SYNE3: variants seen among roughly 807,000 people sequenced by gnomAD.
SYNE3 encodes spectrin repeat containing nuclear envelope family member 3.
A neutral mutation model predicts 111.2 loss-of-function variants in SYNE3; 100 were observed. The ratio of observed to expected loss-of-function variants is 0.90; its 90% CI spans 0.77 to 1.06. SYNE3 has a LOEUF of 1.06. SYNE3 is among the 50% of genes least tolerant of loss of function. The pLI, the probability that SYNE3 is intolerant of heterozygous loss-of-function variation, is 0.00. For missense variants in SYNE3, 1,160 were observed against 1,240.3 expected, an observed-to-expected ratio of 0.94 and a Z score of 0.97; for synonymous variants, 547 against 533.9, an observed-to-expected ratio of 1.02 and a Z score of -0.34.
In SYNE3 at chr14:95,470,455, G is replaced by A. The variant is rs1888456205; in HGVS notation, c.145-2488C>T. 6.6e-6 allele frequency among the ~76,000 whole-genome samples: 1 copy of A among 151,254 alleles called. No homozygotes were observed. Among genetic ancestry groups the A allele is most frequent in the Non-Finnish European group, 1.5e-5 (1 of 67,904 alleles). On this transcript the variant is annotated intron_variant, in intron 2 of 17. Coordinates refer to ENST00000682763, the MANE Select transcript of SYNE3 (RefSeq NM_152592.6). This position sits in a 1 kb window ranked among gnomAD's most constrained non-coding sequence, Gnocchi z 4.2. The stretch of plus-strand genomic sequence containing the variant: ...CAACCACTCTGGGCAAGACAGTGAG[G>A]CCCCATCTCTCCAAAAGCATTTTTT...
chr14:95,501,301 T>C (rs1296464004), intron 1 of SYNE3, among the ~76,000 whole-genome samples: 2 of 152,188 alleles, frequency 1.3e-5, no homozygotes, highest in African/African-American at 4.8e-5. Context: ...GAATGTGAGT[T>C]CCAACAGCAC....
Position 95,471,669 on chromosome 14 carries a change from T to C in SYNE3, c.145-3702A>G, listed in dbSNP as rs551103920. On this transcript the variant is annotated intron_variant, in intron 2 of 17. Transcript: ENST00000682763. ...CCACTCTTTTTCACTGCGCTGATGATTACACTCTTTGGCTGGTGTGAGATT... is the reference window on the plus strand; with the variant it reads ...CCACTCTTTTTCACTGCGCTGATGACTACACTCTTTGGCTGGTGTGAGATT... Among the ~76,000 whole-genome samples, 16 of 152,348 alleles carry C rather than the reference T, an allele frequency of 1.1e-4. No individual in the cohort carries two copies. The South Asian group carries it at 3.3e-3, about 32-fold the overall frequency.
rs1402455039 is a variant in SYNE3, at chr14:95,407,420, TA to T, written c.*10405del. 1 of 152,146 alleles carries T rather than the reference TA, an allele frequency of 6.6e-6. No homozygotes were observed. The highest frequency in any genetic ancestry group is 1.5e-5 in the Non-Finnish European group (1 of 68,024). The allele number at this position is 152,146 out of a possible 1,614,324, so 9.4% of individuals were successfully genotyped here. Reference sequence around the variant, plus strand: ...GGGGAGGAAAACGTCAATGCAACTTTAAAATATAGCACTAAGAAGAAACTCC... The same window carrying T: ...GGGGAGGAAAACGTCAATGCAACTTTAAATATAGCACTAAGAAGAAACTCC... On this transcript the variant is annotated 3_prime_UTR_variant, in exon 18 of 18. Transcript: ENST00000682763.
At chr14:95,464,824 T>G (rs1888066133) in intron 4 of SYNE3, among the ~76,000 whole-genome samples, 2 of 152,210 alleles carry the variant, frequency 1.3e-5, no homozygotes, top group Admixed American at 6.5e-5. Context: ...AGGGGACACA[T>G]AGGTGCCTGA....
At chr14:95,502,885 T>C (rs1370059718) in intron 1 of SYNE3, among the ~76,000 whole-genome samples, 1 of 152,154 alleles carries the variant, frequency 6.6e-6, no homozygotes, top group African/African-American at 2.4e-5. Flanking sequence ...AAAGTAGAGC[T>C]CCATGTCGAG....
intron 17 of SYNE3, among the ~76,000 whole-genome samples, chr14:95,423,096 G>C (rs921174100): frequency 6.6e-6 from 1 of 152,230 alleles, no homozygotes. Context: ...CAGGGGGCTG[G>C]GTTCGTCTTG....
Position 95,413,267 on chromosome 14 carries a change from T to C in SYNE3, c.*4559A>G, listed in dbSNP as rs796342359. 16 of 147,176 alleles carry C rather than the reference T, an allele frequency of 1.1e-4. No individual in the cohort carries two copies. Among genetic ancestry groups the C allele is most frequent in the African/African-American group, 4.0e-4 (16 of 40,104 alleles). 9.1% of individuals were successfully genotyped at this position (147,176 alleles called of 1,614,324 possible). A position where few individuals can be genotyped will look rare whatever the true frequency, so the allele number is the denominator to read the frequency against. The stretch of plus-strand genomic sequence containing the variant: ...GTGGTAAAATAAACATAACATAAAA[T>C]TTAGCATCTTAACCACTTTTAAGCA... On this transcript the variant is annotated 3_prime_UTR_variant, in exon 18 of 18. Coordinates refer to ENST00000682763, the MANE Select transcript of SYNE3 (RefSeq NM_152592.6).
At chr14:95,434,805 G>GCAC (rs975453782) in intron 15 of SYNE3, among the ~76,000 whole-genome samples, 1 of 152,176 alleles carries the variant, frequency 6.6e-6, no homozygotes, top group African/African-American at 2.4e-5. Context: ...TTACAGGCAT[G>GCAC]CACCACCATG....
chr14:95,501,734 C>A (rs928075811), intron 1 of SYNE3, among the ~76,000 whole-genome samples: 1 of 152,114 alleles, frequency 6.6e-6, no homozygotes, highest in Non-Finnish European at 1.5e-5. Flanking sequence ...TGGGGGGAAG[C>A]AACAAGATGT....
intron 1 of SYNE3, among the ~76,000 whole-genome samples, chr14:95,481,812 G>A (rs1365459176): frequency 6.6e-6 from 1 of 152,244 alleles, no homozygotes; most frequent in Non-Finnish European, 1.5e-5. Context: ...AGGCCTGAAA[G>A]CAATTGGCCG....
At chr14:95,515,990 C>A (rs1208669874) in intron 1 of SYNE3, 1 of 152,338 alleles carries the variant, frequency 6.6e-6, no homozygotes, top group Non-Finnish European at 1.5e-5. Flanking sequence ...TCAGGCCCTG[C>A]AAGCCATCTC....
Position 95,457,195 on chromosome 14 carries a change from C to T in SYNE3, c.771G>A (p.Gln257=). The T allele has an allele frequency of 1.2e-6, 2 of 1,613,932 alleles. No homozygotes were observed. Among genetic ancestry groups the T allele is most frequent in the Non-Finnish European group, 1.7e-6 (2 of 1,179,924 alleles). Residue 257 remains glutamine (Q), a synonymous_variant, in exon 5 of 18, where the codon CAG becomes CAA. Coordinates refer to ENST00000682763, the MANE Select transcript of SYNE3 (RefSeq NM_152592.6). ...GGATTACCTGCAGTGTGGAGAGGCGCTGCGTGATGGGCAGCTTGCAGTTCC... is the reference window on the plus strand; with the variant it reads ...GGATTACCTGCAGTGTGGAGAGGCGTTGCGTGATGGGCAGCTTGCAGTTCC... ...LGRNCKLPIT[Q]RLSTLQDIAK...
chr14:95,417,946 C>T lies in SYNE3; in HGVS notation c.2808G>A (p.Leu936=). ...GGAGCAGGAACAGCAGGAGGAGGAA[C>T]AGCAGCAGAAGCAGCTGCAGTGGGA... ...VALPLQLLLL[L]FLLLLFLLPI... Residue 936 remains leucine (L), a synonymous_variant, in exon 18 of 18, where the codon CTG becomes CTA. Transcript: ENST00000682763. 6.2e-7 allele frequency: 1 copy of T among 1,613,930 alleles called. No homozygotes were observed. Among genetic ancestry groups the T allele is most frequent in the Non-Finnish European group, 8.5e-7 (1 of 1,180,024 alleles).
intron 1 of SYNE3, among the ~76,000 whole-genome samples, chr14:95,483,944 C>A (rs1206990397): frequency 6.6e-6 from 1 of 152,204 alleles, no homozygotes. Flanking sequence ...GCAAGCGGTC[C>A]CGAAGCCATT....
At chr14:95,491,449 C>G (rs1889845157) in intron 1 of SYNE3, among the ~76,000 whole-genome samples, 1 of 152,042 alleles carries the variant, frequency 6.6e-6, no homozygotes, top group African/African-American at 2.4e-5. Context: ...TAATTTTCAA[C>G]AAGGGTGCCA....
rs1260020654 is a variant in SYNE3 at position 95,443,280 on chromosome 14, C to T, written c.1786G>A (p.Glu596Lys). The T allele has an allele frequency of 1.9e-6, 3 of 1,614,216 alleles. No individual in the cohort carries two copies. Among genetic ancestry groups the T allele is most frequent in the Non-Finnish European group, 2.5e-6 (3 of 1,180,014 alleles). ...TGTGCCCCCAAGTCCAGCCCCTCTTCCTGCAGCCCCTGCAGTAGAGAAGGG... is the reference window on the plus strand; with the variant it reads ...TGTGCCCCCAAGTCCAGCCCCTCTTTCTGCAGCCCCTGCAGTAGAGAAGGG... ...AQLSRLQGLQ[E>K]EGLDLGAQME... The change falls in exon 11 of 18, where the codon GAA (glutamate) becomes AAA (lysine). Residue 596 changes from glutamate to lysine, a missense_variant. Physicochemically the swap from Glu to Lys is moderately conservative, Grantham distance 56. Coordinates refer to ENST00000682763, the MANE Select transcript of SYNE3 (RefSeq NM_152592.6).
intron 4 of SYNE3, among the ~76,000 whole-genome samples, chr14:95,464,392 AC>A (rs1888030326): frequency 2.6e-5 from 4 of 152,156 alleles, no homozygotes; most frequent in African/African-American, 9.7e-5. Flanking sequence ...GGCAACAGAG[AC>A]CACTGCAAAA....
chr14:95,476,124 G>T (rs1217847212), intron 1 of SYNE3, among the ~76,000 whole-genome samples: 1 of 152,212 alleles, frequency 6.6e-6, no homozygotes, highest in East Asian at 1.9e-4. Context: ...TTGAGGCCCG[G>T]AGGCAATTCT....
intron 1 of SYNE3, among the ~76,000 whole-genome samples, chr14:95,483,475 G>A (rs1056881141): frequency 2.0e-5 from 3 of 152,084 alleles, no homozygotes; most frequent in Non-Finnish European, 2.9e-5. Flanking sequence ...CAGGAACTGA[G>A]TTACAGCTGG....
Sources: allele counts gnomAD v4.1 joint callset (sites outside exome capture counted in the v4.1 genomes callset), GRCh38; gene constraint gnomAD v4.1.1; non-coding constraint Gnocchi (gnomAD v3.1); transcripts MANE v1.5; gene names NCBI Gene and HGNC (gene_info 2026-07-23, HGNC 2026-07-21).